The following COLEC11 variants were observed in gnomAD, a reference collection of about 807,000 sequenced individuals.
The protein encoded by COLEC11 is collectin subfamily member 11.
In COLEC11, 20 loss-of-function variants were observed where a neutral mutation model predicts 27.3. The ratio of observed to expected loss-of-function variants is 0.73; its 90% CI spans 0.51 to 1.06. The LOEUF is 1.06. Among genes scored for constraint, COLEC11 ranks in the 50% least tolerant of loss-of-function variants. The pLI, the probability that COLEC11 is intolerant of heterozygous loss-of-function variation, is 0.00. For synonymous variants in COLEC11, 163 were observed against 154.7 expected (o/e 1.05, Z -0.40); for missense variants, 310 against 383.0 (o/e 0.81, Z 1.59).
At chr2:3,625,979 A>G (rs1370908334) in intron 3 of COLEC11, 3 of 1,563,098 alleles carry the variant, frequency 1.9e-6, no homozygotes, top group Admixed American at 1.7e-5. Context: ...GTTGTCAGGC[A>G]GGGATAGTCA....
chr2:3,612,124 G>A (rs1274354249), intron 2 of COLEC11, among the ~76,000 whole-genome samples: 1 of 152,044 alleles, frequency 6.6e-6, no homozygotes, highest in Admixed American at 6.6e-5. Context: ...TTACGTGAAC[G>A]CTGGCACAAT....
At chr2:3,642,364 G>A (rs1168773130) in intron 5 of COLEC11, among the ~76,000 whole-genome samples, 1 of 152,162 alleles carries the variant, frequency 6.6e-6, no homozygotes, top group Admixed American at 6.5e-5. Context: ...AATGAGATCT[G>A]TTGCCAGAAA....
chr2:3,606,517 C>A lies in COLEC11; in HGVS notation c.130+2047C>A, dbSNP rs377174023. On this transcript the variant is annotated intron_variant, in intron 2 of 6. Transcript: ENST00000349077. ...CTCCTGGTCCGTGAGGTTGGGGAGG[C>A]GATGCCAGCTTGGGGCTCTGTGGGG... Among the ~76,000 whole-genome samples, 3 of 152,300 alleles carry A rather than the reference C, an allele frequency of 2.0e-5. No individual in the cohort carries two copies. In the East Asian group the frequency reaches 5.8e-4, roughly 29 times the overall value.
chr2:3,605,540 T>TGCC (rs1299792047), intron 2 of COLEC11, among the ~76,000 whole-genome samples: 5 of 1,878 alleles, frequency 2.7e-3, no homozygotes, highest in African/African-American at 3.8e-3. Context: ...GTCACGTGGT[T>TGCC]GATGAGGGGG....
chr2:3,635,809 G>A (rs941280133), intron 3 of COLEC11, among the ~76,000 whole-genome samples: 2 of 152,240 alleles, frequency 1.3e-5, no homozygotes. Context: ...AGCATCAGGA[G>A]AGCAGCCTGG....
In COLEC11 at chr2:3,602,187, G is replaced by A. The variant is rs1662281884; in HGVS notation, c.-26-2128G>A. The stretch of plus-strand genomic sequence containing the variant: ...AGATGGCCTTTCTCTAGCAGCTAAG[G>A]TGACCTTCATTTTGGACCTGAGAGG... On this transcript the variant is annotated intron_variant, in intron 1 of 6. Coordinates refer to ENST00000349077, the MANE Select transcript of COLEC11 (RefSeq NM_024027.5). The surrounding 1 kb of genome is among the most constrained non-coding windows in gnomAD (Gnocchi z 6.2). Among the ~76,000 whole-genome samples, 1 of 152,140 alleles carries A rather than the reference G, an allele frequency of 6.6e-6. No individual in the cohort carries two copies. The highest frequency in any genetic ancestry group is 1.9e-4 in the East Asian group (1 of 5,174).
At chr2:3,607,835 T>C (rs931983578) in intron 2 of COLEC11, among the ~76,000 whole-genome samples, 5 of 152,230 alleles carry the variant, frequency 3.3e-5, no homozygotes, top group African/African-American at 1.2e-4. Context: ...ACATGCGCTG[T>C]GGGAGGTTTG....
At chr2:3,604,239 C>A in intron 1 of COLEC11, 76 bp from the exon 2 acceptor site, 1 of 1,550,006 alleles carries the variant, frequency 6.5e-7, no homozygotes, top group Non-Finnish European at 8.9e-7. Context: ...CACCCCTTGC[C>A]TCCGAGGCCT....
chr2:3,628,892 G>A (rs906563318), intron 3 of COLEC11, among the ~76,000 whole-genome samples: 4 of 152,198 alleles, frequency 2.6e-5, no homozygotes, highest in Admixed American at 6.5e-5. Flanking sequence ...ATGAGATGTG[G>A]GATGGGCTGT....
chr2:3,619,244 C>G (rs957443524), intron 3 of COLEC11, among the ~76,000 whole-genome samples: 1 of 150,784 alleles, frequency 6.6e-6, no homozygotes, highest in Non-Finnish European at 1.5e-5. Flanking sequence ...TTCCTTTTCT[C>G]TCCTTTCCAC....
chr2:3,625,251 T>C (rs1664459898), intron 3 of COLEC11, among the ~76,000 whole-genome samples: 1 of 152,116 alleles, frequency 6.6e-6, no homozygotes, highest in Admixed American at 6.5e-5. Flanking sequence ...TCCCCACTGA[T>C]GTTCAGGTGT....
At chr2:3,611,541 C>T (rs187996070) in intron 2 of COLEC11, among the ~76,000 whole-genome samples, 2 of 152,318 alleles carry the variant, frequency 1.3e-5, no homozygotes, top group Non-Finnish European at 2.9e-5. Context: ...GTGGATATTT[C>T]TTGCTAAACT....
At chr2:3,622,538 A>C (rs1453506288) in intron 3 of COLEC11, among the ~76,000 whole-genome samples, 1 of 152,222 alleles carries the variant, frequency 6.6e-6, no homozygotes, top group Non-Finnish European at 1.5e-5. Context: ...GTATTGAGAG[A>C]GTGGGCCTTT....
rs1196529192 is a variant in COLEC11, at chr2:3,639,811, G to A, written c.275-467G>A. ...CCAGGACACCAGGCTGCTACGAGCAGGGATGGGAAGGACCTTGAGCCAGGG... is the reference window on the plus strand; with the variant it reads ...CCAGGACACCAGGCTGCTACGAGCAAGGATGGGAAGGACCTTGAGCCAGGG... On this transcript the variant is annotated intron_variant, in intron 4 of 6. Coordinates refer to ENST00000349077, the MANE Select transcript of COLEC11 (RefSeq NM_024027.5). Among the ~76,000 whole-genome samples the A allele has an allele frequency of 4.6e-5, 7 of 152,210 alleles. 1 individual carries two copies. Among genetic ancestry groups the A allele is most frequent in the Non-Finnish European group, 7.3e-5 (5 of 68,044 alleles).
intron 2 of COLEC11, among the ~76,000 whole-genome samples, chr2:3,607,032 C>T (rs1300048064): frequency 6.6e-6 from 1 of 152,220 alleles, no homozygotes; most frequent in Non-Finnish European, 1.5e-5. Context: ...CGGCCCCGGA[C>T]ACGGGGTGGC....
chr2:3,639,876 C>G (rs1327139355), intron 4 of COLEC11, among the ~76,000 whole-genome samples: 1 of 150,940 alleles, frequency 6.6e-6, no homozygotes, highest in East Asian at 1.9e-4. Context: ...GATGAGCTCT[C>G]AGGCCTGCGT....
chr2:3,619,694 C>T (rs1304846041), intron 3 of COLEC11, among the ~76,000 whole-genome samples: 4 of 152,162 alleles, frequency 2.6e-5, no homozygotes, highest in Admixed American at 6.5e-5. Flanking sequence ...GGCATGATCT[C>T]GGCTCACTGC....
chr2:3,615,934 C>T (rs1331456491), intron 3 of COLEC11, among the ~76,000 whole-genome samples: 6 of 94,396 alleles, frequency 6.4e-5, no homozygotes, highest in Admixed American at 1.4e-4. Context: ...GGGGGGCTGC[C>T]GGGTGGAGAT....
At chr2:3,616,487 G>A (rs1267742865) in intron 3 of COLEC11, among the ~76,000 whole-genome samples, 5 of 152,042 alleles carry the variant, frequency 3.3e-5, no homozygotes, top group African/African-American at 4.8e-5. Flanking sequence ...CTGAGTGAAC[G>A]AGACTCCGTC....
Sources: gnomAD v4.1 joint callset for allele counts (sites outside exome capture counted in the v4.1 genomes callset) on GRCh38, gnomAD v4.1.1 for gene constraint, Gnocchi (gnomAD v3.1) non-coding constraint, MANE v1.5 for transcripts, NCBI Gene and HGNC (gene_info 2026-07-23, HGNC 2026-07-21) for gene names.